The following VWC2 variants were observed in gnomAD, a reference collection of about 807,000 sequenced individuals.
VWC2 encodes the protein von Willebrand factor C domain containing 2, also known as brorin.
In VWC2, 14 loss-of-function variants were observed where a neutral mutation model predicts 29.8. The observed-to-expected ratio is 0.47, with a 90% CI of 0.31 to 0.74. VWC2 has a LOEUF of 0.74. Ranked by LOEUF, VWC2 falls within the 30% of genes least tolerant of loss-of-function variation. VWC2 has a pLI of 0.05. For synonymous variants in VWC2, 213 were observed against 199.0 expected (o/e 1.07, Z -0.59); for missense variants, 457 against 459.8 (o/e 0.99, Z 0.05).
chr7:49,854,228 C>A (rs1790321423), intron 3 of VWC2, among the ~76,000 whole-genome samples: 1 of 152,056 alleles, frequency 6.6e-6, no homozygotes, highest in African/African-American at 2.4e-5. Flanking sequence ...GGATATATAC[C>A]CAGTAATGGG....
At chr7:49,904,611 A>G (rs1792978551) in intron 3 of VWC2, among the ~76,000 whole-genome samples, 2 of 152,204 alleles carry the variant, frequency 1.3e-5, no homozygotes, top group African/African-American at 4.8e-5. Context: ...TTTTAGTTAA[A>G]TTTTTATAAC....
intron 3 of VWC2, among the ~76,000 whole-genome samples, chr7:49,898,618 CATATATGTAAA>C (rs1237701460): frequency 2.0e-5 from 3 of 152,034 alleles, no homozygotes; most frequent in African/African-American, 7.2e-5. Context: ...CACACATACC[CATATATGTAAA>C]ATATATGTAA....
At chr7:49,892,456 C>A (rs1431875564) in intron 3 of VWC2, among the ~76,000 whole-genome samples, 10 of 152,136 alleles carry the variant, frequency 6.6e-5, no homozygotes, top group East Asian at 1.9e-4. Context: ...GAAAAGAAGT[C>A]CTGCTATACA....
intron 2 of VWC2, among the ~76,000 whole-genome samples, chr7:49,792,913 G>A (rs1033855540): frequency 5.9e-5 from 9 of 152,190 alleles, no homozygotes; most frequent in African/African-American, 2.2e-4. Flanking sequence ...TGAGGTATGA[G>A]GTCCAGGACC....
At chr7:49,882,574 AAG>A (rs752226598) in intron 3 of VWC2, among the ~76,000 whole-genome samples, 4 of 151,938 alleles carry the variant, frequency 2.6e-5, no homozygotes, top group Non-Finnish European at 5.9e-5. Flanking sequence ...GGGAGTAACA[AAG>A]AGAGATAAGG....
intron 3 of VWC2, among the ~76,000 whole-genome samples, chr7:49,835,063 C>A (rs1789626276): frequency 6.6e-6 from 1 of 152,152 alleles, no homozygotes; most frequent in African/African-American, 2.4e-5. Context: ...TTCTTAAAGG[C>A]AAATGGGGAC....
chr7:49,862,898 CTG>C (rs1368471541), intron 3 of VWC2, among the ~76,000 whole-genome samples: 2 of 152,082 alleles, frequency 1.3e-5, no homozygotes, highest in African/African-American at 4.8e-5. Context: ...TGTTTTTTAT[CTG>C]TCTCATTAGA....
chr7:49,879,287 C>T (rs929683309), intron 3 of VWC2, among the ~76,000 whole-genome samples: 4 of 152,124 alleles, frequency 2.6e-5, no homozygotes, highest in African/African-American at 9.7e-5. Context: ...ATCTCTAGAG[C>T]AATTATGCTT....
At chr7:49,885,721 G>GT (rs1791874204) in intron 3 of VWC2, among the ~76,000 whole-genome samples, 1 of 152,242 alleles carries the variant, frequency 6.6e-6, no homozygotes, top group Admixed American at 6.5e-5. Flanking sequence ...CTACGAGGGT[G>GT]TAAGAAATTG....
intron 3 of VWC2, among the ~76,000 whole-genome samples, chr7:49,879,527 G>A (rs145239282): frequency 3.9e-5 from 6 of 152,228 alleles, no homozygotes; most frequent in African/African-American, 1.4e-4. Flanking sequence ...CAAGTTGAGC[G>A]TTAGTCCATG....
chr7:49,799,800 T>C (rs1425112918), intron 2 of VWC2, among the ~76,000 whole-genome samples: 2 of 152,326 alleles, frequency 1.3e-5, no homozygotes, highest in East Asian at 1.9e-4. Flanking sequence ...GGTTATATGG[T>C]ATATCCTATT....
intron 3 of VWC2, among the ~76,000 whole-genome samples, chr7:49,886,712 T>G (rs1456776528): frequency 6.6e-6 from 1 of 152,188 alleles, no homozygotes; most frequent in Non-Finnish European, 1.5e-5. Flanking sequence ...ATTATGTAGT[T>G]TTTTAAAAGA....
chr7:49,901,944 G>GT (rs963114900), intron 3 of VWC2, among the ~76,000 whole-genome samples: 82 of 142,280 alleles, frequency 5.8e-4, no homozygotes, highest in African/African-American at 2.1e-3. Flanking sequence ...AACAATGATA[G>GT]TTTTTTCAAC....
chr7:49,880,171 T>G (rs1437721034), intron 3 of VWC2, among the ~76,000 whole-genome samples: 1 of 152,210 alleles, frequency 6.6e-6, no homozygotes, highest in East Asian at 1.9e-4. Flanking sequence ...TAAGAGTATC[T>G]GCTAAATTTT....
intron 3 of VWC2, among the ~76,000 whole-genome samples, chr7:49,844,749 A>G (rs891223128): frequency 2.6e-5 from 4 of 151,984 alleles, no homozygotes; most frequent in African/African-American, 7.3e-5. Flanking sequence ...CTGGAGTGCA[A>G]TGGCACGATC....
Position 49,776,034 on chromosome 7 carries a change from T to G in VWC2, c.599T>G (p.Ile200Ser). The change falls in exon 2 of 4, where the codon ATC becomes AGC. Residue 200 changes from isoleucine (I) to serine (S), a missense_variant. Transcript: ENST00000340652. ...TGCCCGAGGCTGCACCCGCGCTGCA[T>G]CCACGTCGACACGAGCCAGTGCTGC... ...PECPRLHPRCIHVDTSQCCPQ... is the reference protein window; with the variant it reads ...PECPRLHPRCSHVDTSQCCPQ... The G allele has an allele frequency of 6.5e-7, 1 of 1,547,252 alleles. No individual in the cohort carries two copies. The highest frequency in any genetic ancestry group is 8.7e-7 in the Non-Finnish European group (1 of 1,151,970).
At chr7:49,835,189 A>G (rs891682414) in intron 3 of VWC2, among the ~76,000 whole-genome samples, 11 of 152,374 alleles carry the variant, frequency 7.2e-5, no homozygotes, top group African/African-American at 2.6e-4. Flanking sequence ...CATAGTGTCC[A>G]GCATATGGCA....
chr7:49,789,255 G>C (rs1368703659), intron 2 of VWC2, among the ~76,000 whole-genome samples: 1 of 145,730 alleles, frequency 6.9e-6, no homozygotes, highest in Non-Finnish European at 1.5e-5. Context: ...AGGTGTGGGA[G>C]TGGGTGTGTG....
At chr7:49,801,341 C>T (rs868025630) in intron 2 of VWC2, among the ~76,000 whole-genome samples, 1 of 152,216 alleles carries the variant, frequency 6.6e-6, no homozygotes, top group Non-Finnish European at 1.5e-5. Context: ...GACCCATTTC[C>T]ATGTCCCCCA....
Sources: gnomAD v4.1 joint callset for allele counts (sites outside exome capture counted in the v4.1 genomes callset) on GRCh38, gnomAD v4.1.1 for gene constraint, MANE v1.5 for transcripts, NCBI Gene and HGNC (gene_info 2026-07-23, HGNC 2026-07-21) for gene names.